TENM3: variants seen among roughly 807,000 people sequenced by gnomAD.
TENM3 encodes teneurin transmembrane protein 3.
TENM3 carries 63 observed loss-of-function variants against 255.1 expected under a neutral mutation model. The observed-to-expected ratio is 0.25, with a 90% confidence interval of 0.20 to 0.30. The LOEUF is 0.30. TENM3 is among the 10% of genes least tolerant of loss of function. The pLI, the probability that TENM3 is intolerant of heterozygous loss-of-function variation, is 1.00. For missense variants in TENM3, 2,929 were observed against 3,461.1 expected, an observed-to-expected ratio of 0.85 and a Z score of 3.86; for synonymous variants, 1,306 against 1,322.3, an observed-to-expected ratio of 0.99 and a Z score of 0.27.
At chr4:181,677,596 T>A in the TENM3 span, among the ~76,000 whole-genome samples, 1 of 152,168 alleles carries the variant, frequency 6.6e-6, no homozygotes, top group Non-Finnish European at 1.5e-5. Context: ...GTGCTTTAAG[T>A]GCCTCCATTC....
chr4:181,713,668 T>A, the TENM3 span, among the ~76,000 whole-genome samples: 1 of 152,184 alleles, frequency 6.6e-6, no homozygotes, highest in Non-Finnish European at 1.5e-5. Flanking sequence ...ACTTGTGGTT[T>A]GGGCCACCAA....
intron 3 of TENM3, among the ~76,000 whole-genome samples, chr4:182,455,687 G>A (rs927807046): frequency 6.7e-6 from 1 of 148,318 alleles, no homozygotes; most frequent in Admixed American, 6.8e-5. Context: ...TCAGCCTCCC[G>A]AGTAGCTGGG....
At chr4:181,536,459 A>G in the TENM3 span, among the ~76,000 whole-genome samples, 1 of 152,222 alleles carries the variant, frequency 6.6e-6, no homozygotes, top group Non-Finnish European at 1.5e-5. Flanking sequence ...GTGGATTCAC[A>G]TGTTCAAATA....
At chr4:182,640,290 G>A (rs578071114) in intron 5 of TENM3, among the ~76,000 whole-genome samples, 4 of 152,146 alleles carry the variant, frequency 2.6e-5, no homozygotes, top group East Asian at 3.9e-4. Flanking sequence ...AAAGGTGATC[G>A]GCACATTTTT....
chr4:182,440,915 T>G (rs1561449700), intron 3 of TENM3, among the ~76,000 whole-genome samples: 1 of 152,112 alleles, frequency 6.6e-6, no homozygotes, highest in Non-Finnish European at 1.5e-5. Flanking sequence ...GTTGTAGATA[T>G]TATCCCATCA....
Position 182,755,272 on chromosome 4 carries a change from A to G in TENM3, c.4892+13A>G. On this transcript the variant is annotated intron_variant, in intron 22 of 27. Coordinates refer to ENST00000511685, the MANE Select transcript of TENM3 (RefSeq NM_001080477.4). ...CAACGTTTTTTGAGTAAGTATATGA[A>G]AATTCTACTCTGATTATAAAATACT... is the stretch of plus-strand genomic sequence containing the variant. 6.4e-7 allele frequency: 1 copy of G among 1,567,824 alleles called. No individual in the cohort carries two copies. Among genetic ancestry groups the G allele is most frequent in the Non-Finnish European group, 8.6e-7 (1 of 1,163,052 alleles).
intron 4 of TENM3, 65 bp downstream of exon 4, chr4:182,601,226 C>T (rs921819751): frequency 2.1e-5 from 27 of 1,261,738 alleles, no homozygotes; most frequent in African/African-American, 5.9e-5. Flanking sequence ...ATTTACTATA[C>T]TTACATATTC....
intron 4 of TENM3, among the ~76,000 whole-genome samples, chr4:182,620,678 C>T (rs114585041): frequency 0.01 from 1,531 of 152,304 alleles, 29 homozygotes; most frequent in African/African-American, 0.035. Flanking sequence ...TCTTTACTTA[C>T]ATACTAGAAA....
chr4:182,185,387 A>G (rs1239123989), intron 1 of TENM3, among the ~76,000 whole-genome samples: 3 of 152,198 alleles, frequency 2.0e-5, no homozygotes, highest in Non-Finnish European at 4.4e-5. Flanking sequence ...ATTCTTTACA[A>G]TGATCTGTTA....
chr4:182,779,356 A>G (rs886233304), intron 24 of TENM3, among the ~76,000 whole-genome samples: 56 of 151,978 alleles, frequency 3.7e-4, no homozygotes, highest in African/African-American at 1.3e-3. Flanking sequence ...ATGTTTTCCA[A>G]TTTCATCCAT....
chr4:182,176,815 C>T (rs1346434986), intron 1 of TENM3, among the ~76,000 whole-genome samples: 7 of 141,960 alleles, frequency 4.9e-5, no homozygotes, highest in East Asian at 2.1e-4. Flanking sequence ...AATTAGCATC[C>T]GGCTAATTTT....
At chr4:182,177,006 T>G (rs1201724204) in intron 1 of TENM3, among the ~76,000 whole-genome samples, 2 of 151,930 alleles carry the variant, frequency 1.3e-5, no homozygotes, top group African/African-American at 4.8e-5. Flanking sequence ...ACCTAGGAGA[T>G]GGACAGGACA....
the TENM3 span, among the ~76,000 whole-genome samples, chr4:182,013,997 CATATAT>C: frequency 2.5e-5 from 2 of 81,044 alleles, no homozygotes; most frequent in East Asian, 3.3e-4. Flanking sequence ...CGTATATACA[CATATAT>C]ACGTATATAT....
intron 4 of TENM3, among the ~76,000 whole-genome samples, chr4:182,614,869 C>T (rs1749327007): frequency 6.6e-6 from 1 of 151,656 alleles, no homozygotes; most frequent in African/African-American, 2.4e-5. Flanking sequence ...AATTCAGTTT[C>T]TTCACGTTGT....
chr4:182,365,682 T>A (rs1277364717), intron 3 of TENM3, among the ~76,000 whole-genome samples: 1 of 152,178 alleles, frequency 6.6e-6, no homozygotes, highest in Non-Finnish European at 1.5e-5. Flanking sequence ...TTTTCATCAA[T>A]CCATAGAGTG....
chr4:182,370,707 G>C (rs1766744865), intron 3 of TENM3, among the ~76,000 whole-genome samples: 1 of 152,060 alleles, frequency 6.6e-6, no homozygotes, highest in African/African-American at 2.4e-5. Flanking sequence ...GATACTACAG[G>C]CTCTTAAAAC....
At chr4:181,606,143 C>T in the TENM3 span, among the ~76,000 whole-genome samples, 3 of 152,190 alleles carry the variant, frequency 2.0e-5, no homozygotes, top group African/African-American at 4.8e-5. Context: ...ACCCTGCTGC[C>T]ATTTTCCTGG....
intron 4 of TENM3, among the ~76,000 whole-genome samples, chr4:182,625,357 G>T (rs1750718037): frequency 6.6e-6 from 1 of 152,160 alleles, no homozygotes; most frequent in African/African-American, 2.4e-5. Flanking sequence ...TCAGATCAGA[G>T]ATAGCATTAG....
intron 13 of TENM3, among the ~76,000 whole-genome samples, chr4:182,716,394 T>G (rs1759174485): frequency 6.6e-6 from 1 of 152,182 alleles, no homozygotes; most frequent in Non-Finnish European, 1.5e-5. Context: ...TCCCCTTTGT[T>G]TATTCTGATT....
Sources: allele counts gnomAD v4.1 joint callset (sites outside exome capture counted in the v4.1 genomes callset), GRCh38; gene constraint gnomAD v4.1.1; transcripts MANE v1.5; gene names NCBI Gene and HGNC (gene_info 2026-07-23, HGNC 2026-07-21).